The following SPINK14 variants were observed in gnomAD, a reference collection of about 807,000 sequenced individuals.
SPINK14 encodes the protein serine peptidase inhibitor Kazal type 14 (putative).
Under a neutral mutation model 14.2 loss-of-function variants are expected in SPINK14, and 6 were observed. That is an observed-to-expected ratio of 0.42 (90% CI 0.23 to 0.83). The LOEUF (loss-of-function observed/expected upper bound fraction) is 0.83, where lower values mean the gene tolerates loss of function less well. SPINK14 is among the 40% of genes least tolerant of loss of function. The probability of loss-of-function intolerance (pLI) is 0.28; values close to 1 mark genes in which losing one functional copy is unlikely to be tolerated. For missense variants in SPINK14, 86 were observed against 108.3 expected, an observed-to-expected ratio of 0.79 and a Z score of 0.91; for synonymous variants, 34 against 36.8, an observed-to-expected ratio of 0.92 and a Z score of 0.27.
chr5:148,171,998 A>G lies in SPINK14; in HGVS notation c.111+1025A>G, dbSNP rs371925480. Reference sequence around the variant, plus strand: ...TTATTAATCACCTATGCTGTGCCCTAAGATACACTATTGAGGAAAGCAGTT... The same window carrying G: ...TTATTAATCACCTATGCTGTGCCCTGAGATACACTATTGAGGAAAGCAGTT... On this transcript the variant is annotated intron_variant, in intron 3 of 4. Transcript: ENST00000356972. Among the ~76,000 whole-genome samples the G allele has an allele frequency of 2.9e-4, 44 of 152,292 alleles. No homozygotes were observed. The East Asian group carries it at 6.0e-3, about 21-fold the overall frequency.
rs1755153646 is a variant in SPINK14, at chr5:148,175,342, T to G, written c.249-11T>G. The G allele has an allele frequency of 1.9e-6, 3 of 1,562,918 alleles. No homozygotes were observed. In the East Asian group the frequency reaches 6.7e-5, roughly 35 times the overall value. On this transcript the variant is annotated splice_polypyrimidine_tract_variant and intron_variant, in intron 4 of 4. Transcript: ENST00000356972. ...TACTAAATGAAATGTTTATTCTGATTCTTCCTTTAGGAAATCTCATGGAAG... is the reference window on the plus strand; with the variant it reads ...TACTAAATGAAATGTTTATTCTGATGCTTCCTTTAGGAAATCTCATGGAAG...
At chr5:148,169,218 C>A (rs1581128034) in intron 1 of SPINK14, among the ~76,000 whole-genome samples, 2 of 152,226 alleles carry the variant, frequency 1.3e-5, no homozygotes, top group African/African-American at 4.8e-5. Context: ...ATGCCTGAAT[C>A]ATCAGAAATC....
At chr5:148,175,276 T>C (rs1406561887) in intron 4 of SPINK14, 77 bp from the exon 5 acceptor site, 5 of 939,152 alleles carry the variant, frequency 5.3e-6, no homozygotes, top group Non-Finnish European at 8.2e-6. Flanking sequence ...AGGTTTTAGA[T>C]AGATAATTTT....
chr5:148,171,015 T>C, intron 3 of SPINK14, 42 bp downstream of exon 3: 4 of 1,579,912 alleles, frequency 2.5e-6, no homozygotes, highest in East Asian at 2.2e-5. Flanking sequence ...TACATTATAA[T>C]ATGAGTTCTT....
intron 3 of SPINK14, among the ~76,000 whole-genome samples, chr5:148,171,850 T>A (rs1237833241): frequency 6.6e-6 from 1 of 152,126 alleles, no homozygotes; most frequent in Non-Finnish European, 1.5e-5. Flanking sequence ...CCTGGTCTCA[T>A]AAAGCTGAGT....
chr5:148,175,265 C>A, intron 4 of SPINK14, 88 bp from the exon 5 acceptor site: 4 of 844,082 alleles, frequency 4.7e-6, no homozygotes, highest in South Asian at 1.7e-5. Flanking sequence ...AATATAAAAC[C>A]AGGTTTTAGA....
intron 2 of SPINK14, among the ~76,000 whole-genome samples, 197 bp from the exon 3 acceptor site, chr5:148,170,733 C>G (rs1194874453): frequency 6.6e-6 from 1 of 152,014 alleles, no homozygotes; most frequent in East Asian, 1.9e-4. Context: ...TCTATATAGT[C>G]CCCTGCTGAT....
intron 4 of SPINK14, 88 bp from the exon 5 acceptor site, chr5:148,175,265 C>T: frequency 1.2e-6 from 1 of 844,088 alleles, no homozygotes; most frequent in Non-Finnish European, 1.9e-6. Flanking sequence ...AATATAAAAC[C>T]AGGTTTTAGA....
chr5:148,175,327 A>G, intron 4 of SPINK14, 26 bp from the exon 5 acceptor site: 1 of 1,463,766 alleles, frequency 6.8e-7, no homozygotes, highest in Non-Finnish European at 9.5e-7. Flanking sequence ...TACTAAATGA[A>G]ATGTTTATTC....
chr5:148,171,070 C>T, intron 3 of SPINK14, 97 bp downstream of exon 3: 6 of 1,139,678 alleles, frequency 5.3e-6, no homozygotes, highest in Non-Finnish European at 7.9e-6. Flanking sequence ...CTCAAGGTCA[C>T]CCGTAATAGT....
rs1324558350 is a variant in SPINK14, at chr5:148,169,816, G to C, written c.67+17G>C. 2 of 1,601,836 alleles carry C rather than the reference G, an allele frequency of 1.2e-6. No homozygotes were observed. Among genetic ancestry groups the C allele is most frequent in the Non-Finnish European group, 1.7e-6 (2 of 1,172,598 alleles). On this transcript the variant is annotated intron_variant, in intron 2 of 4. Transcript: ENST00000356972. ...TATCTTCTGGTGAGTAATTTAGCTG[G>C]TCTTGGCCAGCAGTTGAAATTGATT...
chr5:148,175,531 G>A lies in SPINK14; in HGVS notation c.*133G>A, dbSNP rs1267738780. ...AGCTATCACTACTGAGCTTGTAGCA[G>A]ATTGTTCAAAGTTCCTTCCATGGAC... On this transcript the variant is annotated 3_prime_UTR_variant, in exon 5 of 5. Coordinates refer to ENST00000356972, the MANE Select transcript of SPINK14 (RefSeq NM_001001325.2). 1 of 673,512 alleles carries A rather than the reference G, an allele frequency of 1.5e-6. No individual in the cohort carries two copies. The highest frequency in any genetic ancestry group is 2.5e-6 in the Non-Finnish European group (1 of 397,588). The allele number at this position is 673,512 out of a possible 1,614,324, so 41.7% of individuals were successfully genotyped here.
chr5:148,170,165 T>TACAC (rs1173691697), intron 2 of SPINK14, among the ~76,000 whole-genome samples: 2 of 102,768 alleles, frequency 1.9e-5, no homozygotes, highest in East Asian at 5.3e-4. Flanking sequence ...AGAGTATATA[T>TACAC]ATATATATAC....
At position 148,175,464 on chromosome 5, in the gene SPINK14, T is replaced by TG. The variant is rs1755156822; in HGVS notation, c.*67dup. On this transcript the variant is annotated 3_prime_UTR_variant, in exon 5 of 5. Coordinates refer to ENST00000356972, the MANE Select transcript of SPINK14 (RefSeq NM_001001325.2). ...TCCTCCATGTCTCCAATCTCCCTCTTGCGCTTTTTACATCTCCTTGCATTT... is the reference window on the plus strand; with the variant it reads ...TCCTCCATGTCTCCAATCTCCCTCTTGGCGCTTTTTACATCTCCTTGCATTT... 1 of 1,186,432 alleles carries TG rather than the reference T, an allele frequency of 8.4e-7. No homozygotes were observed. The highest frequency in any genetic ancestry group is 1.2e-6 in the Non-Finnish European group (1 of 804,000). The allele number at this position is 1,186,432 out of a possible 1,614,324, so 73.5% of individuals were successfully genotyped here. A position where few individuals can be genotyped will look rare whatever the true frequency, so the allele number is the denominator to read the frequency against.
rs375216023 is a variant in SPINK14, at chr5:148,170,959, C to T, written c.97C>T (p.Arg33Cys). ...AGGCCCTAGACACTGGTGGCCACCA[C>T]GTGGAATTATTAAGGTAATGTTCCA... ...VSGPRHWWPPRGIIKVKCPYE... is the reference protein window; with the variant it reads ...VSGPRHWWPPCGIIKVKCPYE... The change falls in exon 3 of 5, where the codon CGT becomes TGT. Residue 33 changes from arginine (R) to cysteine (C), a missense_variant. By Grantham distance (180) the Arg-to-Cys change is radical (BLOSUM62 -3). Transcript: ENST00000356972. 3.1e-5 allele frequency: 50 copies of T among 1,612,176 alleles called. No homozygotes were observed. The African/African-American group carries it at 3.7e-4, about 12-fold the overall frequency.
rs767089108 is a variant in SPINK14 at position 148,169,715 on chromosome 5, G to A, written c.-18G>A. The A allele has an allele frequency of 1.0e-5, 16 of 1,601,586 alleles. No individual in the cohort carries two copies. Among genetic ancestry groups the A allele is most frequent in the Non-Finnish European group, 1.3e-5 (15 of 1,170,972 alleles). On this transcript the variant is annotated 5_prime_UTR_variant, in exon 2 of 5. Coordinates refer to ENST00000356972, the MANE Select transcript of SPINK14 (RefSeq NM_001001325.2). The stretch of plus-strand genomic sequence containing the variant: ...CAATATTTCAGAGCATCATTCCAAG[G>A]ACACACCAGGAGGAAAAATGGCCAA...
Position 148,170,993 on chromosome 5 carries a change from C to T in SPINK14, c.111+20C>T, listed in dbSNP as rs900906118. ...ATTAAGGTAATGTTCCATTAAATTT[C>T]CCCCCAGGACTTACATTATAATATG... On this transcript the variant is annotated intron_variant, in intron 3 of 4. Coordinates refer to ENST00000356972, the MANE Select transcript of SPINK14 (RefSeq NM_001001325.2). 1.7e-5 allele frequency: 28 copies of T among 1,607,914 alleles called. No individual in the cohort carries two copies. Among genetic ancestry groups the T allele is most frequent in the East Asian group, 2.2e-5 (1 of 44,830 alleles).
rs774373020 is a variant in SPINK14, at chr5:148,169,811, A to C, written c.67+12A>C. 1 of 1,607,488 alleles carries C rather than the reference A, an allele frequency of 6.2e-7. No homozygotes were observed. Among genetic ancestry groups the C allele is most frequent in the South Asian group, 1.1e-5 (1 of 90,272 alleles). ...GGTGTTATCTTCTGGTGAGTAATTT[A>C]GCTGGTCTTGGCCAGCAGTTGAAAT... is the stretch of plus-strand genomic sequence containing the variant. On this transcript the variant is annotated intron_variant, in intron 2 of 4. Coordinates refer to ENST00000356972, the MANE Select transcript of SPINK14 (RefSeq NM_001001325.2).
chr5:148,174,914 A>G (rs1161471387), intron 4 of SPINK14, among the ~76,000 whole-genome samples: 1 of 152,110 alleles, frequency 6.6e-6, no homozygotes, highest in African/African-American at 2.4e-5. Flanking sequence ...ACAGAGAGAA[A>G]AATTTTCCCC....
Sources: gnomAD v4.1 joint callset for allele counts (sites outside exome capture counted in the v4.1 genomes callset) on GRCh38, gnomAD v4.1.1 for gene constraint, MANE v1.5 for transcripts, NCBI Gene and HGNC (gene_info 2026-07-23, HGNC 2026-07-21) for gene names.